Variants in EIPR1 observed in about 807,000 individuals in gnomAD.
The protein encoded by EIPR1 is EARP and GARP complex-interacting protein 1.
In EIPR1, 25 loss-of-function variants were observed where a neutral mutation model predicts 48.1. That is an observed-to-expected ratio of 0.52 (90% CI 0.38 to 0.73). The LOEUF (loss-of-function observed/expected upper bound fraction) is 0.73, where lower values mean the gene tolerates loss of function less well. Ranked by LOEUF, EIPR1 falls within the 30% of genes least tolerant of loss-of-function variation. The probability of loss-of-function intolerance (pLI) is 0.00; values close to 1 mark genes in which losing one functional copy is unlikely to be tolerated. For missense variants in EIPR1, 415 were observed against 506.2 expected (o/e 0.82, Z 1.73); for synonymous variants, 204 against 201.9 (o/e 1.01, Z -0.09).
At chr2:3,280,331 CG>C (rs1186179236) in intron 3 of EIPR1, among the ~76,000 whole-genome samples, 9 of 152,230 alleles carry the variant, frequency 5.9e-5, no homozygotes, top group Admixed American at 3.9e-4. Flanking sequence ...CAGAGGAACT[CG>C]GACCCGGTCT....
intron 3 of EIPR1, 57 bp from the exon 4 acceptor site, chr2:3,257,512 G>A (rs1029633720): frequency 6.3e-7 from 1 of 1,587,204 alleles, no homozygotes; most frequent in Non-Finnish European, 8.6e-7. Flanking sequence ...CCCGCATTCT[G>A]CAGACAGCAC....
At chr2:3,311,810 G>A (rs184389955) in intron 3 of EIPR1, among the ~76,000 whole-genome samples, 30 of 151,840 alleles carry the variant, frequency 2.0e-4, no homozygotes, top group African/African-American at 6.3e-4. Flanking sequence ...GGTGCTGGGC[G>A]GGGGGGCTCT....
At chr2:3,194,250 C>G in intron 6 of EIPR1, 84 bp from the exon 7 acceptor site, 1 of 1,538,418 alleles carries the variant, frequency 6.5e-7, no homozygotes, top group African/African-American at 1.4e-5. Flanking sequence ...CACTGGTTTC[C>G]CGGGACCCTG....
At chr2:3,296,054 A>C (rs370978868) in intron 3 of EIPR1, among the ~76,000 whole-genome samples, 64 of 72,772 alleles carry the variant, frequency 8.8e-4, no homozygotes, top group African/African-American at 3.2e-3. Context: ...CACACCCTCC[A>C]TGCAGCCCTC....
At chr2:3,283,626 C>A (rs559146637) in intron 3 of EIPR1, among the ~76,000 whole-genome samples, 1 of 152,310 alleles carries the variant, frequency 6.6e-6, no homozygotes, top group South Asian at 2.1e-4. Context: ...CCAGCGAGCA[C>A]CACTAGTTAA....
intron 2 of EIPR1, 110 bp downstream of exon 2, chr2:3,354,440 T>C: frequency 1.1e-6 from 1 of 922,386 alleles, no homozygotes; most frequent in Non-Finnish European, 1.7e-6. Flanking sequence ...TTTTATTTTG[T>C]TTATGTGGCA....
chr2:3,309,169 C>G (rs1323181967), intron 3 of EIPR1, among the ~76,000 whole-genome samples: 1 of 152,160 alleles, frequency 6.6e-6, no homozygotes, highest in Non-Finnish European at 1.5e-5. Context: ...GGTCAATGTA[C>G]AGAGAGAAAA....
chr2:3,326,843 T>C (rs767043845), intron 3 of EIPR1, among the ~76,000 whole-genome samples: 2 of 152,214 alleles, frequency 1.3e-5, no homozygotes, highest in East Asian at 1.9e-4. Flanking sequence ...AATTTCAACA[T>C]AGTTCAAATT....
intron 3 of EIPR1, among the ~76,000 whole-genome samples, chr2:3,317,192 C>T (rs1366725798): frequency 1.4e-5 from 2 of 146,630 alleles, no homozygotes; most frequent in African/African-American, 2.5e-5. Context: ...GTGCCTTGCA[C>T]ATGGGGTGGA....
intron 1 of EIPR1, among the ~76,000 whole-genome samples, chr2:3,373,761 C>T (rs897928385): frequency 1.5e-4 from 23 of 151,830 alleles, no homozygotes; most frequent in Admixed American, 5.2e-4. Flanking sequence ...ATTCCATGCT[C>T]ATGGGTAGGA....
chr2:3,338,430 G>A lies in EIPR1; in HGVS notation c.127-281C>T, dbSNP rs1221484377. Among the ~76,000 whole-genome samples the A allele has an allele frequency of 2.6e-5, 4 of 152,156 alleles. No individual in the cohort carries two copies. In the East Asian group the frequency reaches 7.7e-4, roughly 29 times the overall value. ...GTCTTAAAGAAATAAGGCACCAAAC[G>A]CTGTGTCCTCAAGTGGCTCTTAGAC... On this transcript the variant is annotated intron_variant, in intron 2 of 8. Coordinates refer to ENST00000382125, the MANE Select transcript of EIPR1 (RefSeq NM_003310.5).
At chr2:3,244,486 T>C (rs865983498) in intron 4 of EIPR1, among the ~76,000 whole-genome samples, 5 of 152,170 alleles carry the variant, frequency 3.3e-5, no homozygotes, top group Admixed American at 2.0e-4. Flanking sequence ...AATTCACATG[T>C]GGAAATTCTA....
chr2:3,230,760 A>G (rs898496611), intron 4 of EIPR1, among the ~76,000 whole-genome samples: 3 of 152,314 alleles, frequency 2.0e-5, no homozygotes, highest in Admixed American at 6.5e-5. Flanking sequence ...CAGTAGTCTT[A>G]TGATATAAGA....
Position 3,354,609 on chromosome 2 carries a change from C to A in EIPR1, c.67G>T (p.Ala23Ser). ...AAAAACCGAATGGCATCTGTTTCTGCAGTTTGAGGTGTTAAGGCACGTGCC... is the reference window on the plus strand; with the variant it reads ...AAAAACCGAATGGCATCTGTTTCTGAAGTTTGAGGTGTTAAGGCACGTGCC... The part of the protein sequence containing the change: ...FQARALTPQT[A>S]ETDAIRFLVG... The change falls in exon 2 of 9, where the codon GCA becomes TCA. Residue 23 changes from alanine (A) to serine (S), a missense_variant. Transcript: ENST00000382125. The A allele has an allele frequency of 1.9e-6, 3 of 1,613,996 alleles. No individual in the cohort carries two copies. Among genetic ancestry groups the A allele is most frequent in the Non-Finnish European group, 2.5e-6 (3 of 1,179,960 alleles).
At chr2:3,214,823 C>T (rs886633076) in intron 4 of EIPR1, among the ~76,000 whole-genome samples, 2 of 152,164 alleles carry the variant, frequency 1.3e-5, no homozygotes, top group African/African-American at 4.8e-5. Context: ...AGTTGAGAGG[C>T]CATAAGTCAG....
At chr2:3,344,705 C>T (rs1216005538) in intron 2 of EIPR1, among the ~76,000 whole-genome samples, 16 of 123,512 alleles carry the variant, frequency 1.3e-4, no homozygotes, top group African/African-American at 5.1e-4. Flanking sequence ...TCCAGTGGTG[C>T]GATCTCGGCT....
intron 1 of EIPR1, among the ~76,000 whole-genome samples, chr2:3,376,360 TCTACTAACA>T (rs1288186075): frequency 1.3e-5 from 2 of 152,034 alleles, no homozygotes; most frequent in Non-Finnish European, 2.9e-5. Flanking sequence ...CATATGTTAT[TCTACTAACA>T]CTGCTGCCTC....
At chr2:3,200,947 T>C (rs574848076) in intron 5 of EIPR1, among the ~76,000 whole-genome samples, 1 of 152,192 alleles carries the variant, frequency 6.6e-6, no homozygotes, top group East Asian at 1.9e-4. Flanking sequence ...GCCTGGGCAC[T>C]CCGCATGGTG....
At chr2:3,210,964 T>C (rs528373204) in intron 5 of EIPR1, among the ~76,000 whole-genome samples, 2 of 152,150 alleles carry the variant, frequency 1.3e-5, no homozygotes, top group East Asian at 1.9e-4. Context: ...AGTGAGAACA[T>C]GCATAGTTTC....
Sources: gnomAD v4.1 joint callset for allele counts (sites outside exome capture counted in the v4.1 genomes callset) on GRCh38, gnomAD v4.1.1 for gene constraint, MANE v1.5 for transcripts, NCBI Gene and HGNC (gene_info 2026-07-23, HGNC 2026-07-21) for gene names.